The following VPS53 variants were observed in gnomAD, a reference collection of about 807,000 sequenced individuals.
The protein encoded by VPS53 is VPS53 subunit of GARP complex.
Under a neutral mutation model 107.0 loss-of-function variants are expected in VPS53, and 70 were observed. The observed-to-expected ratio is 0.65, with a 90% confidence interval of 0.54 to 0.80. VPS53 has a LOEUF of 0.80. VPS53 is among the 30% of genes least tolerant of loss of function. VPS53 has a pLI of 0.00. For missense variants in VPS53, 917 were observed against 1,049.4 expected (o/e 0.87, Z 1.74); for synonymous variants, 409 against 393.3 (o/e 1.04, Z -0.47).
chr17:710,717 T>G, intron 1 of VPS53, 104 bp from the exon 2 acceptor site: 1 of 823,308 alleles, frequency 1.2e-6, no homozygotes, highest in Non-Finnish European at 1.9e-6. Context: ...CGGTGGCTCA[T>G]GCCTGTAATC....
In VPS53 at chr17:623,602, T is replaced by C. The variant is rs372809354; in HGVS notation, c.1047A>G (p.Gln349=). ...IEVKLLLFAI[Q]RTTNFEGFLA... is the part of the protein sequence containing the mutation. ...GAAACCCCTCAAAGTTAGTTGTTCT[T>C]TGAATAGCAAAAAGAAGCAATTTCA... Residue 349 remains glutamine, a synonymous_variant, in exon 11 of 22, where the codon CAA becomes CAG. Coordinates refer to ENST00000437048, the MANE Select transcript of VPS53 (RefSeq NM_001128159.3). 15 of 1,613,930 alleles carry C rather than the reference T, an allele frequency of 9.3e-6. No individual in the cohort carries two copies. The African/African-American group carries it at 1.3e-4, about 14-fold the overall frequency.
At chr17:582,713 C>T (rs532364347) in intron 13 of VPS53, among the ~76,000 whole-genome samples, 3 of 150,062 alleles carry the variant, frequency 2.0e-5, no homozygotes, top group East Asian at 2.2e-4. Context: ...TAATGCGTTC[C>T]GAGATAACCT....
At position 637,920 on chromosome 17, in the gene VPS53, A is replaced by G. The variant is rs570633131; in HGVS notation, c.609-6292T>C. Among the ~76,000 whole-genome samples the G allele has an allele frequency of 4.6e-5, 7 of 152,336 alleles. No individual in the cohort carries two copies. In the East Asian group the frequency reaches 1.3e-3, roughly 29 times the overall value. ...TGATTTGGGGTGGAGAGTTCTGTAGATGTCTATTAGGTCCGTTTGGTGCAC... is the reference window on the plus strand; with the variant it reads ...TGATTTGGGGTGGAGAGTTCTGTAGGTGTCTATTAGGTCCGTTTGGTGCAC... On this transcript the variant is annotated intron_variant, in intron 7 of 21. Coordinates refer to ENST00000437048, the MANE Select transcript of VPS53 (RefSeq NM_001128159.3).
chr17:520,947 G>GCCACTTCCTACTC lies in VPS53; in HGVS notation c.2223+641_2223+653dup, dbSNP rs1485989719. Among the ~76,000 whole-genome samples the GCCACTTCCTACTC allele has an allele frequency of 9.7e-4, 148 of 152,224 alleles. No homozygotes were observed. The highest frequency in any genetic ancestry group is 3.4e-3 in the Middle Eastern group (1 of 294). ...TCCCACCGGTGTCTGAGGCCCTGCT[G>GCCACTTCCTACTC]CCACTTCCTACTCCTGCCGTCCCTG... On this transcript the variant is annotated intron_variant, in intron 20 of 21. Coordinates refer to ENST00000437048, the MANE Select transcript of VPS53 (RefSeq NM_001128159.3). The surrounding 1 kb of genome is among the most constrained non-coding windows in gnomAD (Gnocchi z 4.4).
intron 4 of VPS53, among the ~76,000 whole-genome samples, chr17:679,345 C>G (rs556046079): frequency 7.9e-5 from 12 of 152,116 alleles, no homozygotes; most frequent in African/African-American, 2.9e-4. Context: ...GAAACCCCAT[C>G]TCTACTAAAA....
At chr17:638,741 GC>G (rs1173441176) in intron 7 of VPS53, among the ~76,000 whole-genome samples, 1 of 152,120 alleles carries the variant, frequency 6.6e-6, no homozygotes, top group Non-Finnish European at 1.5e-5. Flanking sequence ...TTGAATATTG[GC>G]CCCCACTCTC....
At chr17:657,898 A>T (rs181896630) in intron 5 of VPS53, among the ~76,000 whole-genome samples, 8 of 150,700 alleles carry the variant, frequency 5.3e-5, no homozygotes, top group Middle Eastern at 3.6e-3. Flanking sequence ...ACATCCCACT[A>T]AAGTGAGAAA....
chr17:626,406 A>G (rs1597398333), intron 10 of VPS53, among the ~76,000 whole-genome samples: 1 of 152,326 alleles, frequency 6.6e-6, no homozygotes, highest in South Asian at 2.1e-4. Context: ...GCAGTGGCTC[A>G]TGCCTGTAAT....
Position 668,404 on chromosome 17 carries a change from C to T in VPS53, c.286-6509G>A, listed in dbSNP as rs1387717415. Among the ~76,000 whole-genome samples, 6 of 152,162 alleles carry T rather than the reference C, an allele frequency of 3.9e-5. 1 individual carries two copies. Among genetic ancestry groups the T allele is most frequent in the Non-Finnish European group, 7.3e-5 (5 of 68,036 alleles). ...CTGAGGCTACCGCTCTGAATAAGTG[C>T]GCTCATAACCATTCCTCTAACTTCA... On this transcript the variant is annotated intron_variant, in intron 4 of 21. Coordinates refer to ENST00000437048, the MANE Select transcript of VPS53 (RefSeq NM_001128159.3).
intron 7 of VPS53, among the ~76,000 whole-genome samples, chr17:634,806 T>C (rs961583627): frequency 1.3e-5 from 2 of 151,760 alleles, no homozygotes; most frequent in African/African-American, 2.4e-5. Context: ...TGATGGACAT[T>C]TGGGTTGGTT....
chr17:682,379 T>C (rs1173411416), intron 4 of VPS53, among the ~76,000 whole-genome samples: 1 of 152,156 alleles, frequency 6.6e-6, no homozygotes, highest in Non-Finnish European at 1.5e-5. Flanking sequence ...CCACAACTTT[T>C]CTTGAACCTA....
At chr17:541,623 C>T (rs549412316) in intron 17 of VPS53, among the ~76,000 whole-genome samples, 2 of 144,316 alleles carry the variant, frequency 1.4e-5, no homozygotes, top group African/African-American at 5.2e-5. Context: ...GCACCGACTA[C>T]GCACTGAAGG....
intron 11 of VPS53, among the ~76,000 whole-genome samples, chr17:611,886 C>T (rs116889917): frequency 0.016 from 2,361 of 151,672 alleles, 24 homozygotes; most frequent in Middle Eastern, 0.031. Flanking sequence ...CAGTGAAAAC[C>T]TGTACTGATA....
chr17:687,320 G>A (rs1411526501), intron 4 of VPS53, among the ~76,000 whole-genome samples: 1 of 150,256 alleles, frequency 6.7e-6, no homozygotes, highest in African/African-American at 2.4e-5. Context: ...GCTCATACCT[G>A]TAATCCCAGC....
chr17:602,924 G>A (rs1968393785), intron 11 of VPS53, among the ~76,000 whole-genome samples: 1 of 152,182 alleles, frequency 6.6e-6, no homozygotes, highest in Admixed American at 6.5e-5. Context: ...TGCTGGGGAC[G>A]AGGGAAGGGG....
intron 4 of VPS53, chr17:675,295 C>T (rs1290743562): frequency 1.3e-5 from 2 of 152,310 alleles, no homozygotes; most frequent in East Asian, 3.9e-4. Context: ...CTTTGCCTAG[C>T]TGATAATTCT....
chr17:608,268 G>A (rs796872391), intron 11 of VPS53, among the ~76,000 whole-genome samples: 11 of 152,242 alleles, frequency 7.2e-5, no homozygotes, highest in African/African-American at 2.6e-4. Flanking sequence ...TAGACCCTAA[G>A]TGCCTTCCCG....
chr17:558,808 A>G (rs2151848235), intron 15 of VPS53, among the ~76,000 whole-genome samples: 1 of 146,180 alleles, frequency 6.8e-6, no homozygotes. Flanking sequence ...AGATGGTGAA[A>G]CCCCATCTCT....
intron 7 of VPS53, among the ~76,000 whole-genome samples, chr17:638,949 T>G (rs1197844790): frequency 6.6e-6 from 1 of 152,202 alleles, no homozygotes; most frequent in Non-Finnish European, 1.5e-5. Context: ...ATTTCCTGAA[T>G]TTGAATGTTG....
Sources: allele counts gnomAD v4.1 joint callset (sites outside exome capture counted in the v4.1 genomes callset), GRCh38; gene constraint gnomAD v4.1.1; non-coding constraint Gnocchi (gnomAD v3.1); transcripts MANE v1.5; gene names NCBI Gene and HGNC (gene_info 2026-07-23, HGNC 2026-07-21).